The following VSTM2L variants were observed in gnomAD, a reference collection of about 807,000 sequenced individuals.
VSTM2L encodes the protein V-set and transmembrane domain containing 2 like.
A neutral mutation model predicts 19.9 loss-of-function variants in VSTM2L; 9 were observed. The observed-to-expected ratio is 0.45, with a 90% CI of 0.27 to 0.79. The LOEUF is 0.79. Among genes scored for constraint, VSTM2L ranks in the 30% least tolerant of loss-of-function variants. The pLI, the probability that VSTM2L is intolerant of heterozygous loss-of-function variation, is 0.15. For synonymous variants in VSTM2L, 127 were observed against 133.8 expected, an observed-to-expected ratio of 0.95 and a Z score of 0.35; for missense variants, 286 against 295.5, an observed-to-expected ratio of 0.97 and a Z score of 0.24.
In VSTM2L at chr20:37,944,389, C is replaced by A; in HGVS notation, c.*136C>A. 1 of 1,285,476 alleles carries A rather than the reference C, an allele frequency of 7.8e-7. No individual in the cohort carries two copies. Among genetic ancestry groups the A allele is most frequent in the Non-Finnish European group, 1.0e-6 (1 of 988,278 alleles). 79.6% of individuals were successfully genotyped at this position (1,285,476 alleles called of 1,614,324 possible). A position where few individuals can be genotyped will look rare whatever the true frequency, so the allele number is the denominator to read the frequency against. On this transcript the variant is annotated 3_prime_UTR_variant, in exon 4 of 4. Coordinates refer to ENST00000373461, the MANE Select transcript of VSTM2L (RefSeq NM_080607.3). Reference sequence around the variant, plus strand: ...GCCGCCTGTGGCCACCATGTCGGCCCTCTTTCCACCACCCCTTGCTCAGCA... The same window carrying A: ...GCCGCCTGTGGCCACCATGTCGGCCATCTTTCCACCACCCCTTGCTCAGCA...
In VSTM2L at chr20:37,944,747, C is replaced by T; in HGVS notation, c.*494C>T. The T allele has an allele frequency of 1.0e-6, 1 of 986,708 alleles. No homozygotes were observed. The highest frequency in any genetic ancestry group is 1.2e-6 in the Non-Finnish European group (1 of 830,710). The allele number at this position is 986,708 out of a possible 1,614,324, so 61.1% of individuals were successfully genotyped here. ...ACTAGGGCCTCTCCCCTGGTGAAGA[C>T]CCAGGGAACCCAGGAGGGCCCTTCT... is the stretch of plus-strand genomic sequence containing the variant. On this transcript the variant is annotated 3_prime_UTR_variant, in exon 4 of 4. Transcript: ENST00000373461.
chr20:37,933,483 C>T lies in VSTM2L; in HGVS notation c.292-56C>T. On this transcript the variant is annotated intron_variant, in intron 2 of 3. Coordinates refer to ENST00000373461, the MANE Select transcript of VSTM2L (RefSeq NM_080607.3). ...GTCTCCCCACACTGCCACCCCACCCCCACCCTGTGCTAACACCTTGTCTCT... is the reference window on the plus strand; with the variant it reads ...GTCTCCCCACACTGCCACCCCACCCTCACCCTGTGCTAACACCTTGTCTCT... 3 of 1,378,888 alleles carry T rather than the reference C, an allele frequency of 2.2e-6. No individual in the cohort carries two copies. In the East Asian group the frequency reaches 7.0e-5, roughly 32 times the overall value. 85.4% of individuals were successfully genotyped at this position (1,378,888 alleles called of 1,614,324 possible). A position where few individuals can be genotyped will look rare whatever the true frequency, so the allele number is the denominator to read the frequency against.
At chr20:37,938,883 A>G (rs1406140063) in intron 3 of VSTM2L, among the ~76,000 whole-genome samples, 1 of 151,988 alleles carries the variant, frequency 6.6e-6, no homozygotes, top group Non-Finnish European at 1.5e-5. Context: ...CCCGTGGGAG[A>G]GGCCTCTGAT....
intron 3 of VSTM2L, among the ~76,000 whole-genome samples, chr20:37,934,954 T>C (rs750409088): frequency 1.3e-4 from 20 of 152,098 alleles, no homozygotes; most frequent in Non-Finnish European, 2.6e-4. Flanking sequence ...CAAGGGCGCA[T>C]CCATATCGAA....
At chr20:37,914,948 G>A (rs942746048) in intron 1 of VSTM2L, among the ~76,000 whole-genome samples, 49 of 152,204 alleles carry the variant, frequency 3.2e-4, no homozygotes, top group African/African-American at 1.2e-3. Flanking sequence ...GAGAGCTGAC[G>A]GCGGGGTGTC....
intron 1 of VSTM2L, among the ~76,000 whole-genome samples, chr20:37,923,142 A>G (rs1008450366): frequency 6.6e-6 from 1 of 152,166 alleles, no homozygotes; most frequent in Non-Finnish European, 1.5e-5. Context: ...GGCTCTGAGA[A>G]GCAAAGTGGT....
At chr20:37,903,780 C>T (rs2072735808) in intron 1 of VSTM2L, among the ~76,000 whole-genome samples, 1 of 152,220 alleles carries the variant, frequency 6.6e-6, no homozygotes, top group African/African-American at 2.4e-5. Flanking sequence ...ACAACTCCTA[C>T]CCTGCACATC....
intron 3 of VSTM2L, among the ~76,000 whole-genome samples, chr20:37,942,579 G>T (rs2072978581): frequency 6.6e-6 from 1 of 152,228 alleles, no homozygotes; most frequent in Non-Finnish European, 1.5e-5. Flanking sequence ...ACCCATACAA[G>T]AGTTCCAAAA....
At chr20:37,915,235 T>C (rs1236823769) in intron 1 of VSTM2L, among the ~76,000 whole-genome samples, 1 of 152,140 alleles carries the variant, frequency 6.6e-6, no homozygotes, top group Admixed American at 6.5e-5. Context: ...CCTCTCTCCA[T>C]GGCCCTCAGA....
chr20:37,924,798 T>G (rs2072871167), intron 1 of VSTM2L, among the ~76,000 whole-genome samples: 1 of 152,178 alleles, frequency 6.6e-6, no homozygotes, highest in Non-Finnish European at 1.5e-5. Flanking sequence ...CTGATTGAGC[T>G]GCCTGCTTTC....
At chr20:37,908,347 G>T (rs74834338) in intron 1 of VSTM2L, among the ~76,000 whole-genome samples, 5,818 of 152,262 alleles carry the variant, frequency 0.038, 340 homozygotes, top group African/African-American at 0.13. Context: ...CCGGCTGTGG[G>T]GGCAGGAGAT....
At chr20:37,914,382 ATGTGTGGG>A (rs2072800935) in intron 1 of VSTM2L, among the ~76,000 whole-genome samples, 2 of 2,108 alleles carry the variant, frequency 9.5e-4, no homozygotes, top group Admixed American at 5.4e-3. Context: ...GTGTGGGTGT[ATGTGTGGG>A]TGTGTGTATG....
intron 3 of VSTM2L, among the ~76,000 whole-genome samples, chr20:37,938,964 TGTA>T (rs888150970): frequency 5.3e-5 from 8 of 152,142 alleles, no homozygotes; most frequent in African/African-American, 1.9e-4. Flanking sequence ...AAGACCGATC[TGTA>T]GTTTATTGTT....
chr20:37,908,188 TC>T (rs1388973240), intron 1 of VSTM2L, among the ~76,000 whole-genome samples: 2 of 152,144 alleles, frequency 1.3e-5, no homozygotes, highest in East Asian at 3.9e-4. Flanking sequence ...TGCAGCCTTT[TC>T]CCCAAACAAG....
At chr20:37,933,391 C>T (rs1470611725) in intron 2 of VSTM2L, 148 bp from the exon 3 acceptor site, 3 of 651,494 alleles carry the variant, frequency 4.6e-6, no homozygotes, top group Non-Finnish European at 7.9e-6. Flanking sequence ...CAACTCCAGA[C>T]TCCATGGCCC....
intron 1 of VSTM2L, among the ~76,000 whole-genome samples, chr20:37,931,023 AG>A (rs2072905804): frequency 6.6e-6 from 1 of 152,122 alleles, no homozygotes; most frequent in Non-Finnish European, 1.5e-5. Flanking sequence ...AGAGGGGTGG[AG>A]GGAAGGGCAT....
intron 3 of VSTM2L, among the ~76,000 whole-genome samples, chr20:37,940,919 A>G (rs551533272): frequency 2.0e-4 from 30 of 152,310 alleles, no homozygotes; most frequent in African/African-American, 6.5e-4. Context: ...AACTGTCCCC[A>G]TGATCCACTC....
intron 1 of VSTM2L, among the ~76,000 whole-genome samples, chr20:37,916,866 G>A (rs1345940754): frequency 6.6e-6 from 1 of 152,186 alleles, no homozygotes; most frequent in African/African-American, 2.4e-5. Context: ...TGAAATATCC[G>A]GAGTAGGCAA....
chr20:37,941,796 G>A (rs1469123835), intron 3 of VSTM2L, among the ~76,000 whole-genome samples: 1 of 151,956 alleles, frequency 6.6e-6, no homozygotes, highest in Non-Finnish European at 1.5e-5. Flanking sequence ...GGCAGGACAG[G>A]GGCTGCAGGA....
Sources: gnomAD v4.1 joint callset for allele counts (sites outside exome capture counted in the v4.1 genomes callset) on GRCh38, gnomAD v4.1.1 for gene constraint, MANE v1.5 for transcripts, NCBI Gene and HGNC (gene_info 2026-07-23, HGNC 2026-07-21) for gene names.